Variants in ROBO2 observed in about 807,000 individuals in gnomAD.
ROBO2 encodes roundabout guidance receptor 2, also known as roundabout homolog 2.
ROBO2 carries 53 observed loss-of-function variants against 160.8 expected under a neutral mutation model. The ratio of observed to expected loss-of-function variants is 0.33; its 90% confidence interval spans 0.26 to 0.41. ROBO2 has a LOEUF of 0.41. ROBO2 is among the 10% of genes least tolerant of loss of function. The probability of loss-of-function intolerance (pLI) is 1.00; values close to 1 mark genes in which losing one functional copy is unlikely to be tolerated. For missense variants in ROBO2, 1,577 were observed against 1,722.4 expected, an observed-to-expected ratio of 0.92 and a Z score of 1.49; for synonymous variants, 664 against 611.7, an observed-to-expected ratio of 1.09 and a Z score of -1.26.
intron 2 of ROBO2, among the ~76,000 whole-genome samples, chr3:76,488,964 A>G (rs2079650933): frequency 6.6e-6 from 1 of 151,334 alleles, no homozygotes; most frequent in African/African-American, 2.4e-5. Flanking sequence ...AGAGGGCAAA[A>G]TCTGATTATT....
At chr3:76,017,875 TC>T (rs1221514300) in intron 2 of ROBO2, among the ~76,000 whole-genome samples, 1 of 152,112 alleles carries the variant, frequency 6.6e-6, no homozygotes, top group African/African-American at 2.4e-5. Flanking sequence ...TCTCCACTCT[TC>T]CGTTTTTATA....
chr3:76,525,812 C>G (rs1364670238), intron 2 of ROBO2, among the ~76,000 whole-genome samples: 2 of 151,914 alleles, frequency 1.3e-5, no homozygotes, highest in African/African-American at 4.8e-5. Context: ...CCATAATGGT[C>G]ACAGCTAAAG....
chr3:75,958,347 T>C (rs1273161061), intron 2 of ROBO2, among the ~76,000 whole-genome samples: 1 of 151,812 alleles, frequency 6.6e-6, no homozygotes, highest in South Asian at 2.1e-4. Flanking sequence ...AGCACTCTTA[T>C]AGGAATAGAA....
At chr3:76,040,619 G>A (rs970731083) in intron 2 of ROBO2, among the ~76,000 whole-genome samples, 7 of 152,024 alleles carry the variant, frequency 4.6e-5, no homozygotes, top group African/African-American at 1.7e-4. Flanking sequence ...TTTCAATACT[G>A]TTTATATTAG....
chr3:76,792,656 T>C (rs921669662), intron 2 of ROBO2, among the ~76,000 whole-genome samples: 2 of 151,720 alleles, frequency 1.3e-5, no homozygotes, highest in Non-Finnish European at 2.9e-5. Context: ...TATTTCACTA[T>C]GTCTAAAATA....
chr3:76,351,808 T>C (rs1306627708), intron 2 of ROBO2, among the ~76,000 whole-genome samples: 2 of 151,958 alleles, frequency 1.3e-5, no homozygotes, highest in Admixed American at 6.6e-5. Flanking sequence ...TGACTTTGAG[T>C]AAATTACTTA....
At chr3:76,442,731 G>A (rs992707066) in intron 2 of ROBO2, among the ~76,000 whole-genome samples, 1 of 152,080 alleles carries the variant, frequency 6.6e-6, no homozygotes, top group Non-Finnish European at 1.5e-5. Flanking sequence ...TCACCCCTTT[G>A]TCCAGTATAG....
intron 2 of ROBO2, among the ~76,000 whole-genome samples, chr3:76,023,359 A>G (rs532866492): frequency 6.6e-6 from 1 of 151,668 alleles, no homozygotes; most frequent in African/African-American, 2.4e-5. Flanking sequence ...TTCTTCATTA[A>G]GTTTAATCAT....
At chr3:76,321,226 C>T (rs2072496287) in intron 2 of ROBO2, among the ~76,000 whole-genome samples, 1 of 152,028 alleles carries the variant, frequency 6.6e-6, no homozygotes. Flanking sequence ...AGGTATAGAA[C>T]TATATGCTAG....
chr3:76,634,437 G>A (rs1359615456), intron 2 of ROBO2, among the ~76,000 whole-genome samples: 16 of 152,072 alleles, frequency 1.1e-4, no homozygotes, highest in East Asian at 1.9e-4. Context: ...GTGTGGTGGC[G>A]TGTACCTGTA....
At chr3:76,625,782 A>G (rs1459157887) in intron 2 of ROBO2, among the ~76,000 whole-genome samples, 3 of 152,206 alleles carry the variant, frequency 2.0e-5, no homozygotes, top group Non-Finnish European at 4.4e-5. Flanking sequence ...GAGTCGTATC[A>G]TACAGGACTT....
At position 76,623,695 on chromosome 3, in the gene ROBO2, C is replaced by T. The variant is rs187528741; in HGVS notation, c.110-474319C>T. Among the ~76,000 whole-genome samples the T allele has an allele frequency of 7.9e-5, 12 of 152,322 alleles. No individual in the cohort carries two copies. In the East Asian group the frequency reaches 2.3e-3, roughly 29 times the overall value. On this transcript the variant is annotated intron_variant, in intron 2 of 26. Coordinates refer to the ROBO2 transcript ENST00000487694. ...TACATTATTCTGAAATCTTTAACAACATAAGGTTTAGATACCATTTGCATT... is the reference window on the plus strand; with the variant it reads ...TACATTATTCTGAAATCTTTAACAATATAAGGTTTAGATACCATTTGCATT...
At chr3:76,933,228 A>G (rs1577599641) in intron 2 of ROBO2, among the ~76,000 whole-genome samples, 1 of 152,298 alleles carries the variant, frequency 6.6e-6, no homozygotes, top group East Asian at 1.9e-4. Context: ...ATCTAAATGG[A>G]GAATATTTAG....
chr3:76,282,174 T>C (rs1252826144), intron 2 of ROBO2, among the ~76,000 whole-genome samples: 2 of 151,994 alleles, frequency 1.3e-5, no homozygotes, highest in African/African-American at 4.8e-5. Flanking sequence ...AGAACTATAG[T>C]TGGATTTCCA....
intron 2 of ROBO2, among the ~76,000 whole-genome samples, chr3:77,124,921 C>A (rs1357291283): frequency 6.7e-6 from 1 of 150,110 alleles, no homozygotes. Flanking sequence ...TTCCTTTTTC[C>A]TCTTCCTTTC....
chr3:76,881,548 A>C (rs753470761), intron 2 of ROBO2, among the ~76,000 whole-genome samples: 2 of 152,196 alleles, frequency 1.3e-5, no homozygotes, highest in Non-Finnish European at 2.9e-5. Context: ...AAAAAATACA[A>C]ACTCTTGGAA....
At chr3:76,575,677 G>T (rs557920588) in intron 2 of ROBO2, among the ~76,000 whole-genome samples, 1 of 152,080 alleles carries the variant, frequency 6.6e-6, no homozygotes, top group East Asian at 1.9e-4. Context: ...AAAGGTTAAA[G>T]AAATATTTCT....
intron 2 of ROBO2, among the ~76,000 whole-genome samples, chr3:76,009,455 C>A (rs576084139): frequency 2.6e-5 from 4 of 152,282 alleles, no homozygotes; most frequent in African/African-American, 7.2e-5. Flanking sequence ...TGGAGAAAAT[C>A]AGAGCCCTTC....
intron 2 of ROBO2, among the ~76,000 whole-genome samples, chr3:76,834,607 A>G (rs1171853733): frequency 6.6e-6 from 1 of 152,062 alleles, no homozygotes; most frequent in Non-Finnish European, 1.5e-5. Context: ...ACTGACCTCA[A>G]GTGATCTGCC....
Sources: gnomAD v4.1 joint callset for allele counts (sites outside exome capture counted in the v4.1 genomes callset) on GRCh38, gnomAD v4.1.1 for gene constraint, MANE v1.5 for transcripts, NCBI Gene and HGNC (gene_info 2026-07-23, HGNC 2026-07-21) for gene names.